FGF2: variants seen among roughly 807,000 people sequenced by gnomAD.
FGF2 encodes basic fibroblast growth factor bFGF.
Under a neutral mutation model 15.9 loss-of-function variants are expected in FGF2, and 13 were observed. That is an observed-to-expected ratio of 0.82 (90% CI 0.53 to 1.30). FGF2 has a LOEUF of 1.30. Ranked by LOEUF, FGF2 falls within the 50% of genes most tolerant of loss-of-function variation. The probability of loss-of-function intolerance (pLI) is 0.00; values close to 1 mark genes in which losing one functional copy is unlikely to be tolerated. For synonymous variants in FGF2, 90 were observed against 78.4 expected (o/e 1.15, Z -0.78); for missense variants, 163 against 196.9 (o/e 0.83, Z 1.03).
At chr4:122,885,913 C>CTTTTTTTTTTTTTTTTTTTTTT (rs11310783) in intron 2 of FGF2, among the ~76,000 whole-genome samples, 1 of 84,522 alleles carries the variant, frequency 1.2e-5, no homozygotes, top group Non-Finnish European at 2.1e-5. Flanking sequence ...TTTTTTTTTC[C>CTTTTTTTTTTTTTTTTTTTTTT]TTTTTTTTTT....
rs1727286896 is a variant in FGF2 at position 122,894,417 on chromosome 4, A to T, written c.*2021A>T. 6.6e-6 allele frequency: 1 copy of T among 152,274 alleles called. No homozygotes were observed. The highest frequency in any genetic ancestry group is 2.4e-5 in the African/African-American group (1 of 41,442). The allele number at this position is 152,274 out of a possible 1,614,324, so 9.4% of individuals were successfully genotyped here. On this transcript the variant is annotated 3_prime_UTR_variant, in exon 3 of 3. Transcript: ENST00000644866. Reference sequence around the variant, plus strand: ...ACCAACCTGGTGAAACCCCGTCTCTACAAAAAAACACAAAAAATAGCCAGG... The same window carrying T: ...ACCAACCTGGTGAAACCCCGTCTCTTCAAAAAAACACAAAAAATAGCCAGG...
At chr4:122,880,349 C>T (rs1408002973) in intron 2 of FGF2, among the ~76,000 whole-genome samples, 2 of 151,572 alleles carry the variant, frequency 1.3e-5, no homozygotes, top group Non-Finnish European at 2.9e-5. Flanking sequence ...CGGGTTCACG[C>T]CATTCTCCTG....
chr4:122,877,522 T>C (rs896134353), intron 2 of FGF2, among the ~76,000 whole-genome samples: 2 of 152,216 alleles, frequency 1.3e-5, no homozygotes, highest in Non-Finnish European at 2.9e-5. Flanking sequence ...TCACCATTAT[T>C]ATTAGAAACG....
intron 1 of FGF2, among the ~76,000 whole-genome samples, chr4:122,862,218 C>T (rs1726486273): frequency 6.6e-6 from 1 of 152,200 alleles, no homozygotes; most frequent in Admixed American, 6.5e-5. Flanking sequence ...GAAACACTGA[C>T]TTGTCTGTTT....
In FGF2 at chr4:122,844,802, AT is replaced by A. The variant is rs1248271251; in HGVS notation, c.178+17454del. Among the ~76,000 whole-genome samples the A allele has an allele frequency of 2.0e-5, 3 of 152,068 alleles. No homozygotes were observed. The East Asian group carries it at 5.8e-4, about 29-fold the overall frequency. The stretch of plus-strand genomic sequence containing the variant: ...CAGGTATGCACCACCACACCCAGCT[AT>A]TTTAAAAATTTTTTGTAGAGACAGG... On this transcript the variant is annotated intron_variant, in intron 1 of 2. Coordinates refer to ENST00000644866, the MANE Select transcript of FGF2 (RefSeq NM_001361665.2).
chr4:122,854,974 A>G (rs921412345), intron 1 of FGF2, among the ~76,000 whole-genome samples: 1 of 151,924 alleles, frequency 6.6e-6, no homozygotes, highest in South Asian at 2.1e-4. Flanking sequence ...CTTTCCCCCA[A>G]AGCTCCTCCT....
At chr4:122,847,288 A>G (rs530308745) in intron 1 of FGF2, among the ~76,000 whole-genome samples, 22 of 152,332 alleles carry the variant, frequency 1.4e-4, no homozygotes, top group Non-Finnish European at 2.5e-4. Flanking sequence ...TCACGGAACA[A>G]TGACTTGGGA....
At chr4:122,868,865 T>A (rs954413182) in intron 1 of FGF2, among the ~76,000 whole-genome samples, 1 of 152,180 alleles carries the variant, frequency 6.6e-6, no homozygotes, top group Non-Finnish European at 1.5e-5. Context: ...TCTCTGATGA[T>A]CAGTGATGTT....
chr4:122,875,010 A>G (rs1213283307), intron 1 of FGF2, among the ~76,000 whole-genome samples: 2 of 152,206 alleles, frequency 1.3e-5, no homozygotes, highest in Admixed American at 6.5e-5. Flanking sequence ...TCTTATGATA[A>G]GCAGAGTTCT....
chr4:122,890,892 G>GAT (rs993351291), intron 2 of FGF2, among the ~76,000 whole-genome samples: 3 of 151,958 alleles, frequency 2.0e-5, no homozygotes, highest in Admixed American at 6.6e-5. Context: ...TCATTCGATT[G>GAT]ATATATATAC....
intron 1 of FGF2, among the ~76,000 whole-genome samples, chr4:122,857,632 C>T (rs150253462): frequency 2.0e-5 from 3 of 152,096 alleles, no homozygotes; most frequent in African/African-American, 4.8e-5. Context: ...CTCAGCCAGC[C>T]CAAACATATC....
chr4:122,865,465 T>A (rs925020031), intron 1 of FGF2, among the ~76,000 whole-genome samples: 2 of 152,160 alleles, frequency 1.3e-5, no homozygotes, highest in South Asian at 2.1e-4. Flanking sequence ...TAATTTTTTT[T>A]ATTTTTTGTA....
rs190983833 is a variant in FGF2 at position 122,832,698 on chromosome 4, A to G, written c.178+5346A>G. Among the ~76,000 whole-genome samples, 9 of 152,360 alleles carry G rather than the reference A, an allele frequency of 5.9e-5. No individual in the cohort carries two copies. In the East Asian group the frequency reaches 1.7e-3, roughly 29 times the overall value. Reference sequence around the variant, plus strand: ...ATTGTCAGTGCTCAATAAATAGTTAATGCTTGATTGTTTGCATAATAATTT... The same window carrying G: ...ATTGTCAGTGCTCAATAAATAGTTAGTGCTTGATTGTTTGCATAATAATTT... On this transcript the variant is annotated intron_variant, in intron 1 of 2. Transcript: ENST00000644866.
intron 1 of FGF2, among the ~76,000 whole-genome samples, chr4:122,856,137 A>G (rs758221433): frequency 6.6e-6 from 1 of 152,220 alleles, no homozygotes; most frequent in Non-Finnish European, 1.5e-5. Flanking sequence ...CTCTAATATA[A>G]TTATTAGAAT....
intron 1 of FGF2, among the ~76,000 whole-genome samples, chr4:122,873,979 G>C (rs556834110): frequency 1.3e-5 from 2 of 152,292 alleles, no homozygotes. Flanking sequence ...TGAGTCACTG[G>C]TACTGATCTG....
intron 1 of FGF2, among the ~76,000 whole-genome samples, chr4:122,833,852 G>A (rs972686564): frequency 1.4e-4 from 22 of 152,136 alleles, no homozygotes; most frequent in Admixed American, 1.2e-3. Flanking sequence ...GAAACATTTC[G>A]GAATTTTGGA....
rs966505648 is a variant in FGF2, at chr4:122,863,107, A to G, written c.179-13214A>G. ...GAATTATTCCTATGTGAACATTCTT[A>G]TAACTGTTGCTCAGGTCATAAAACA... is the stretch of plus-strand genomic sequence containing the variant. On this transcript the variant is annotated intron_variant, in intron 1 of 2. Coordinates refer to ENST00000644866, the MANE Select transcript of FGF2 (RefSeq NM_001361665.2). 2.6e-5 allele frequency among the ~76,000 whole-genome samples: 4 copies of G among 152,224 alleles called. No individual in the cohort carries two copies. In the South Asian group the frequency reaches 6.2e-4, roughly 24 times the overall value.
intron 1 of FGF2, among the ~76,000 whole-genome samples, chr4:122,833,241 G>A (rs930031824): frequency 6.6e-6 from 1 of 151,830 alleles, no homozygotes; most frequent in Non-Finnish European, 1.5e-5. Context: ...ATTGACTTCT[G>A]CAATTTAACC....
chr4:122,841,821 A>G (rs2150766431), intron 1 of FGF2, among the ~76,000 whole-genome samples: 1 of 152,290 alleles, frequency 6.6e-6, no homozygotes, highest in East Asian at 1.9e-4. Flanking sequence ...TTGCAACTCA[A>G]CTAATTTTTC....
Sources: allele counts gnomAD v4.1 joint callset (sites outside exome capture counted in the v4.1 genomes callset), GRCh38; gene constraint gnomAD v4.1.1; transcripts MANE v1.5; gene names NCBI Gene and HGNC (gene_info 2026-07-23, HGNC 2026-07-21).